The following ASTN2 variants were observed in gnomAD, a reference collection of about 807,000 sequenced individuals.
The protein encoded by ASTN2 is astrotactin-2.
In ASTN2, 54 loss-of-function variants were observed where a neutral mutation model predicts 139.8. The ratio of observed to expected loss-of-function variants is 0.39; its 90% CI spans 0.31 to 0.48. The LOEUF (loss-of-function observed/expected upper bound fraction) is 0.48, where lower values mean the gene tolerates loss of function less well. ASTN2 is among the 20% of genes least tolerant of loss of function. The pLI, the probability that ASTN2 is intolerant of heterozygous loss-of-function variation, is 0.95. For missense variants in ASTN2, 1,565 were observed against 1,725.1 expected (o/e 0.91, Z 1.64); for synonymous variants, 756 against 719.5 (o/e 1.05, Z -0.81).
chr9:117,203,919 T>C (rs985251518), intron 3 of ASTN2, among the ~76,000 whole-genome samples: 14 of 152,162 alleles, frequency 9.2e-5, no homozygotes, highest in Admixed American at 9.2e-4. Context: ...AAACCCACTG[T>C]TCTGGGCTGC....
Position 116,725,813 on chromosome 9 carries a change from TG to T in ASTN2, c.2763del (p.Ser922AlafsTer38). On this transcript the variant is annotated frameshift_variant, in exon 16 of 23. Coordinates refer to ENST00000313400, the MANE Select transcript of ASTN2 (RefSeq NM_001365068.1). LOFTEE classifies it high-confidence loss of function. ...CACAGCTGCTGCTGGACCTTCTTGC[TG>T]GGAAAGTGGATGATGCAGGTGAGCT... Reference protein sequence around the residue: ...GSELTCIIHFPSKKVQQQLWL... With the variant: ...GSELTCIIHFXSKKVQQQLWL... 6.2e-7 allele frequency: 1 copy of T among 1,613,912 alleles called. No homozygotes were observed. Among genetic ancestry groups the T allele is most frequent in the Non-Finnish European group, 8.5e-7 (1 of 1,180,008 alleles).
chr9:116,948,382 G>A (rs1726414295), intron 10 of ASTN2, among the ~76,000 whole-genome samples: 1 of 151,998 alleles, frequency 6.6e-6, no homozygotes, highest in Non-Finnish European at 1.5e-5. Context: ...TATTTATTTT[G>A]ATGCTCAACT....
chr9:116,513,198 G>T (rs1368185021), intron 19 of ASTN2, among the ~76,000 whole-genome samples: 1 of 152,046 alleles, frequency 6.6e-6, no homozygotes, highest in Non-Finnish European at 1.5e-5. Context: ...CAGGCCTGGT[G>T]GTGACAAAAT....
chr9:116,878,511 G>T (rs1467441587), intron 10 of ASTN2, among the ~76,000 whole-genome samples: 1 of 152,038 alleles, frequency 6.6e-6, no homozygotes, highest in Non-Finnish European at 1.5e-5. Flanking sequence ...GAGAACACAT[G>T]GACACAGGGA....
intron 3 of ASTN2, among the ~76,000 whole-genome samples, chr9:117,152,221 T>C (rs1345687706): frequency 6.6e-6 from 1 of 152,156 alleles, no homozygotes; most frequent in Non-Finnish European, 1.5e-5. Context: ...TTATTATCAT[T>C]ATTGTTATCC....
chr9:117,016,656 A>ATAT, intron 6 of ASTN2, among the ~76,000 whole-genome samples: 1 of 26,814 alleles, frequency 3.7e-5, no homozygotes. Flanking sequence ...ATATATATAT[A>ATAT]ACCTATATAT....
chr9:117,347,034 C>T (rs1486012226), intron 1 of ASTN2, among the ~76,000 whole-genome samples: 1 of 152,112 alleles, frequency 6.6e-6, no homozygotes, highest in Non-Finnish European at 1.5e-5. Context: ...AAAGGGCATC[C>T]TGCTGCTTCT....
At chr9:116,958,269 A>AT (rs1027400257) in intron 10 of ASTN2, among the ~76,000 whole-genome samples, 6 of 152,080 alleles carry the variant, frequency 3.9e-5, no homozygotes, top group African/African-American at 1.2e-4. Flanking sequence ...GAATGTCACC[A>AT]TGTTTGAGAG....
chr9:116,550,574 G>A (rs73524152), intron 19 of ASTN2, among the ~76,000 whole-genome samples: 3,204 of 152,236 alleles, frequency 0.021, 102 homozygotes, highest in African/African-American at 0.073. Flanking sequence ...GGGATTGGGA[G>A]AGGAAAAGGG....
intron 19 of ASTN2, among the ~76,000 whole-genome samples, chr9:116,564,711 T>G (rs915757919): frequency 6.6e-6 from 1 of 152,224 alleles, no homozygotes; most frequent in African/African-American, 2.4e-5. Flanking sequence ...CCTCCCATTC[T>G]TCTTTCCTTC....
At chr9:116,478,769 T>C (rs1849073288) in intron 20 of ASTN2, among the ~76,000 whole-genome samples, 1 of 151,582 alleles carries the variant, frequency 6.6e-6, no homozygotes, top group Non-Finnish European at 1.5e-5. Flanking sequence ...CCAAGACAGG[T>C]GGATCACGAG....
intron 10 of ASTN2, among the ~76,000 whole-genome samples, chr9:116,881,583 C>T (rs1833451221): frequency 6.6e-6 from 1 of 152,248 alleles, no homozygotes; most frequent in East Asian, 1.9e-4. Context: ...CATTGCTGGG[C>T]ATAAAGCAAA....
At chr9:116,569,599 C>T (rs1433064267) in intron 19 of ASTN2, among the ~76,000 whole-genome samples, 1 of 152,196 alleles carries the variant, frequency 6.6e-6, no homozygotes, top group African/African-American at 2.4e-5. Context: ...GAATTTGGTT[C>T]TCTTCAGCTT....
rs1385649875 is a variant in ASTN2, at chr9:117,328,393, A to G, written c.443-36880T>C. On this transcript the variant is annotated intron_variant, in intron 1 of 22. Coordinates refer to ENST00000313400, the MANE Select transcript of ASTN2 (RefSeq NM_001365068.1). ...CAGAAAGAAAGAAAAGTAAGATTTG[A>G]GAAACTTTGGGACTGTTCAGAGCTG... Among the ~76,000 whole-genome samples, 5 of 152,308 alleles carry G rather than the reference A, an allele frequency of 3.3e-5. No individual in the cohort carries two copies. In the East Asian group the frequency reaches 9.6e-4, roughly 29 times the overall value.
chr9:116,441,333 T>A (rs1429987533), intron 21 of ASTN2, among the ~76,000 whole-genome samples: 4 of 151,936 alleles, frequency 2.6e-5, no homozygotes, highest in African/African-American at 9.7e-5. Context: ...CTTCAATACA[T>A]CATGAGTAGA....
At chr9:116,893,853 AG>A (rs145332774) in intron 10 of ASTN2, among the ~76,000 whole-genome samples, 75 of 152,274 alleles carry the variant, frequency 4.9e-4, no homozygotes, top group African/African-American at 1.7e-3. Context: ...CTGCTGATTT[AG>A]GGATACCAAG....
intron 5 of ASTN2, among the ~76,000 whole-genome samples, chr9:117,040,430 T>C (rs1838526961): frequency 6.6e-6 from 1 of 152,180 alleles, no homozygotes; most frequent in Non-Finnish European, 1.5e-5. Flanking sequence ...CTCTGTGATC[T>C]CCATTTTCCA....
intron 1 of ASTN2, among the ~76,000 whole-genome samples, chr9:117,314,662 TTATA>T (rs940837693): frequency 1.1e-4 from 16 of 146,378 alleles, no homozygotes; most frequent in South Asian, 2.1e-4. Context: ...ATATGTATAA[TTATA>T]TATGATATGT....
chr9:117,163,104 G>A (rs1830590161), intron 3 of ASTN2, among the ~76,000 whole-genome samples: 1 of 152,144 alleles, frequency 6.6e-6, no homozygotes, highest in South Asian at 2.1e-4. Context: ...AAGCCCCAGA[G>A]GGGTTACAAA....
Sources: gnomAD v4.1 joint callset for allele counts (sites outside exome capture counted in the v4.1 genomes callset) on GRCh38, gnomAD v4.1.1 for gene constraint, MANE v1.5 for transcripts, NCBI Gene and HGNC (gene_info 2026-07-23, HGNC 2026-07-21) for gene names.